The following CBFA2T3 variants were observed in gnomAD, a reference collection of about 807,000 sequenced individuals.
CBFA2T3 encodes the protein transcriptional corepressor CBFA2T3.
Under a neutral mutation model 58.6 loss-of-function variants are expected in CBFA2T3, and 31 were observed. That is an observed-to-expected ratio of 0.53 (90% confidence interval 0.40 to 0.71). CBFA2T3 has a LOEUF of 0.71. Among genes scored for constraint, CBFA2T3 ranks in the 30% least tolerant of loss-of-function variants. CBFA2T3 has a pLI of 0.00. For synonymous variants in CBFA2T3, 531 were observed against 421.9 expected (o/e 1.26, Z -3.17); for missense variants, 1,076 against 963.1 (o/e 1.12, Z -1.55).
In CBFA2T3 at chr16:88,885,157, G is replaced by T; in HGVS notation, c.1006C>A (p.Pro336Thr). ...RYSPSNGPPQ[P>T]TPPPHYRLED... ...AGGCGGTAGTGCGGCGGCGGTGTGG[G>T]CTGCGGTGGCCCGTTGCTGGGGCTG... The change falls in exon 7 of 12, where the codon CCC (proline) becomes ACC (threonine). Residue 336 changes from proline to threonine, a missense_variant. Coordinates refer to ENST00000268679, the MANE Select transcript of CBFA2T3 (RefSeq NM_005187.6). This position sits in a 1 kb window ranked among gnomAD's most constrained non-coding sequence, Gnocchi z 5.3. 6.2e-7 allele frequency: 1 copy of T among 1,602,036 alleles called. No homozygotes were observed. The highest frequency in any genetic ancestry group is 1.1e-5 in the South Asian group (1 of 90,590).
intron 1 of CBFA2T3, among the ~76,000 whole-genome samples, chr16:88,973,460 G>A (rs1972708296): frequency 6.6e-6 from 1 of 152,150 alleles, no homozygotes; most frequent in African/African-American, 2.4e-5. Context: ...AGAAGCCTCT[G>A]TTGTTCTGAG....
At chr16:88,888,609 G>GT in intron 5 of CBFA2T3, among the ~76,000 whole-genome samples, 1 of 128,028 alleles carries the variant, frequency 7.8e-6, no homozygotes, top group African/African-American at 3.0e-5. Context: ...GGGTGGGAGG[G>GT]GTGGGGTGGG....
rs940235481 is a variant in CBFA2T3 at position 88,970,159 on chromosome 16, G to T, written c.151+6498C>A. 2.6e-5 allele frequency among the ~76,000 whole-genome samples: 4 copies of T among 152,262 alleles called. 1 individual carries two copies. The highest frequency in any genetic ancestry group is 1.3e-4 in the Admixed American group (2 of 15,290). ...GAAACGGCTGCTCTGCAGCTGTCCT[G>T]GGCCGAGAGAGGATTTCACTCCAGG... On this transcript the variant is annotated intron_variant, in intron 1 of 11. Transcript: ENST00000268679.
chr16:88,943,413 C>T (rs1971811512), intron 1 of CBFA2T3, among the ~76,000 whole-genome samples: 1 of 152,260 alleles, frequency 6.6e-6, no homozygotes, highest in South Asian at 2.1e-4. Flanking sequence ...TGAGGAGTGA[C>T]AGACCTGAAG....
intron 1 of CBFA2T3, among the ~76,000 whole-genome samples, chr16:88,971,485 A>C (rs1052421313): frequency 1.3e-5 from 2 of 151,866 alleles, no homozygotes; most frequent in Non-Finnish European, 3.0e-5. Context: ...TGGGGTGGGC[A>C]GAGCTGGGAG....
chr16:88,907,354 T>G (rs891485590), intron 1 of CBFA2T3, among the ~76,000 whole-genome samples: 1 of 151,324 alleles, frequency 6.6e-6, no homozygotes, highest in Non-Finnish European at 1.5e-5. Context: ...AGAACAGCAC[T>G]GAGGTCCTCC....
chr16:88,941,911 CCGCCCCCGCCCCCTGCCCCGCGCT>C (rs1483171876), intron 1 of CBFA2T3: 4 of 149,268 alleles, frequency 2.7e-5, no homozygotes, highest in Non-Finnish European at 6.0e-5. Flanking sequence ...CCTTCGGCCG[CCGCCCCCGCCCCCTGCCCCGCGCT>C]CGCCCCCAGC....
rs2911447 is a variant in CBFA2T3 at position 88,932,262 on chromosome 16, A to G, written c.152-30606T>C. ...CCCGCTTCCCCCTCACACGGCCCCC[A>G]CTTCCCCATCCCGGAAAACAGGCAG... is the stretch of plus-strand genomic sequence containing the variant. On this transcript the variant is annotated intron_variant, in intron 1 of 11. Coordinates refer to ENST00000268679, the MANE Select transcript of CBFA2T3 (RefSeq NM_005187.6). 7.8e-3 allele frequency among the ~76,000 whole-genome samples: 836 copies of G among 107,526 alleles called. 15 individuals carry two copies. The highest frequency in any genetic ancestry group is 3.0e-3 in the Admixed American group (26 of 8,540). 70.5% of individuals were successfully genotyped at this position (107,526 alleles called of 152,430 possible). A position where few individuals can be genotyped will look rare whatever the true frequency, so the allele number is the denominator to read the frequency against.
intron 1 of CBFA2T3, among the ~76,000 whole-genome samples, chr16:88,935,885 C>A (rs1026991041): frequency 6.6e-6 from 1 of 152,138 alleles, no homozygotes; most frequent in Admixed American, 6.5e-5. Context: ...CGTTTGAGAC[C>A]CGAGGGACAG....
intron 1 of CBFA2T3, among the ~76,000 whole-genome samples, chr16:88,903,476 C>G (rs540155934): frequency 6.6e-6 from 1 of 152,146 alleles, no homozygotes; most frequent in Non-Finnish European, 1.5e-5. Context: ...TGACCTCCCT[C>G]GCACAGGGCG....
At chr16:88,926,946 G>A (rs1364819657) in intron 1 of CBFA2T3, among the ~76,000 whole-genome samples, 1 of 152,108 alleles carries the variant, frequency 6.6e-6, no homozygotes, top group East Asian at 1.9e-4. Flanking sequence ...CTGAGACAAG[G>A]CTCCTCACTG....
chr16:88,941,580 A>T lies in CBFA2T3; in HGVS notation c.151+35077T>A, dbSNP rs117991761. On this transcript the variant is annotated intron_variant, in intron 1 of 11. Transcript: ENST00000268679. ...CGGGGCTGTGCGGAGCGCCGGGAGC[A>T]GGGAGAGGGGAGAGGGGCGCGGGGA... is the stretch of plus-strand genomic sequence containing the variant. 3.2e-3 allele frequency among the ~76,000 whole-genome samples: 471 copies of T among 146,798 alleles called. 1 individual carries two copies. The highest frequency in any genetic ancestry group is 0.011 in the African/African-American group (449 of 40,508).
chr16:88,878,538 C>T (rs997083199), intron 11 of CBFA2T3, among the ~76,000 whole-genome samples: 33 of 152,258 alleles, frequency 2.2e-4, no homozygotes, highest in African/African-American at 7.7e-4. Context: ...TGCACGGGCA[C>T]AAGCATCGTA....
chr16:88,964,889 C>T (rs1972456403), intron 1 of CBFA2T3, among the ~76,000 whole-genome samples: 1 of 151,444 alleles, frequency 6.6e-6, no homozygotes, highest in South Asian at 2.1e-4. Context: ...ATCCATCCAT[C>T]CATCCACCAT....
At chr16:88,891,737 G>A (rs1410339179) in intron 5 of CBFA2T3, 145 bp downstream of exon 5, 1 of 626,038 alleles carries the variant, frequency 1.6e-6, no homozygotes, top group Non-Finnish European at 2.9e-6. Context: ...GGCCAAGATC[G>A]ATGCCTCACA....
At position 88,958,766 on chromosome 16, in the gene CBFA2T3, G is replaced by A. The variant is rs1037726340; in HGVS notation, c.151+17891C>T. Among the ~76,000 whole-genome samples, 3 of 152,096 alleles carry A rather than the reference G, an allele frequency of 2.0e-5. No homozygotes were observed. The highest frequency in any genetic ancestry group is 4.8e-5 in the African/African-American group (2 of 41,416). On this transcript the variant is annotated intron_variant, in intron 1 of 11. Coordinates refer to ENST00000268679, the MANE Select transcript of CBFA2T3 (RefSeq NM_005187.6). This position sits in a 1 kb window ranked among gnomAD's most constrained non-coding sequence, Gnocchi z 4.0. The stretch of plus-strand genomic sequence containing the variant: ...AGGGCTGGGGCCTCAGGGCCTCAGC[G>A]TAGCCCAGGTCTGCGCTGGCTCTGG...
intron 1 of CBFA2T3, among the ~76,000 whole-genome samples, chr16:88,943,743 T>C (rs1597772766): frequency 6.6e-6 from 1 of 152,206 alleles, no homozygotes; most frequent in African/African-American, 2.4e-5. Context: ...CCACACCGAC[T>C]TCCTGCTGCC....
At chr16:88,903,196 C>T (rs981519149) in intron 1 of CBFA2T3, among the ~76,000 whole-genome samples, 4 of 152,264 alleles carry the variant, frequency 2.6e-5, no homozygotes, top group Non-Finnish European at 5.9e-5. Flanking sequence ...TAAATGACTT[C>T]TACAGCGATC....
At chr16:88,950,862 A>G (rs577046742) in intron 1 of CBFA2T3, 4 of 336,482 alleles carry the variant, frequency 1.2e-5, no homozygotes, top group Middle Eastern at 4.7e-4. Context: ...TGTCTTCCGG[A>G]TCTGTTCACC....
Sources: gnomAD v4.1 joint callset for allele counts (sites outside exome capture counted in the v4.1 genomes callset) on GRCh38, gnomAD v4.1.1 for gene constraint, Gnocchi (gnomAD v3.1) non-coding constraint, MANE v1.5 for transcripts, NCBI Gene and HGNC (gene_info 2026-07-23, HGNC 2026-07-21) for gene names.